The following ATP1A3 variants were observed in gnomAD, a reference collection of about 807,000 sequenced individuals.
The protein encoded by ATP1A3 is ATPase Na+/K+ transporting subunit alpha 3.
ATP1A3 carries 12 observed loss-of-function variants against 108.8 expected under a neutral mutation model. That is an observed-to-expected ratio of 0.11 (90% CI 0.07 to 0.18). ATP1A3 has a LOEUF of 0.18. ATP1A3 is among the 10% of genes least tolerant of loss of function. The pLI is 1.00. For synonymous variants in ATP1A3, 539 were observed against 564.5 expected, an observed-to-expected ratio of 0.95 and a Z score of 0.64; for missense variants, 498 against 1,387.7, an observed-to-expected ratio of 0.36 and a Z score of 10.19.
chr19:41,978,801 G>A lies in ATP1A3; in HGVS notation c.1438-3C>T. 6.2e-7 allele frequency: 1 copy of A among 1,613,644 alleles called. No individual in the cohort carries two copies. The highest frequency in any genetic ancestry group is 8.5e-7 in the Non-Finnish European group (1 of 1,179,788). On this transcript the variant is annotated splice_region_variant and splice_polypyrimidine_tract_variant and intron_variant, in intron 11 of 22. Coordinates refer to ENST00000648268, the MANE Select transcript of ATP1A3 (RefSeq NM_152296.5). The surrounding 1 kb of genome is among the most constrained non-coding windows in gnomAD (Gnocchi z 8.3). The stretch of plus-strand genomic sequence containing the variant: ...TCCTCGGTCTCATGGATGGAGAGCT[G>A]GGGACCGATCAGAGGGTGGCGTGCC...
intron 1 of ATP1A3, among the ~76,000 whole-genome samples, chr19:41,991,232 C>G (rs897578981): frequency 5.9e-5 from 9 of 152,196 alleles, no homozygotes; most frequent in Admixed American, 5.9e-4. Context: ...CTAATCTCCT[C>G]GTGACCTTGT....
intron 11 of ATP1A3, among the ~76,000 whole-genome samples, chr19:41,980,838 G>A (rs1316101443): frequency 1.3e-5 from 2 of 151,924 alleles, no homozygotes; most frequent in African/African-American, 4.8e-5. Context: ...GTGAACCCGG[G>A]AGGTGGAGCT....
chr19:41,985,462 G>A lies in ATP1A3; in HGVS notation c.607-39C>T. 6.4e-7 allele frequency: 1 copy of A among 1,565,188 alleles called. No individual in the cohort carries two copies. Among genetic ancestry groups the A allele is most frequent in the Non-Finnish European group, 8.8e-7 (1 of 1,135,644 alleles). Reference sequence around the variant, plus strand: ...CAGCAGAGAGAGGGTTCAGTCCAGGGCCTGGGACAGGAGGGTATTTGTGTA... The same window carrying A: ...CAGCAGAGAGAGGGTTCAGTCCAGGACCTGGGACAGGAGGGTATTTGTGTA... On this transcript the variant is annotated intron_variant, in intron 6 of 22. Coordinates refer to ENST00000648268, the MANE Select transcript of ATP1A3 (RefSeq NM_152296.5). This position sits in a 1 kb window ranked among gnomAD's most constrained non-coding sequence, Gnocchi z 8.2.
rs782536983 is a variant in ATP1A3 at position 41,984,960 on chromosome 19, G to T, written c.951C>A (p.Ile317=). ...GACCCTCTGGGACATTGGCCACGAT[G>T]ATGCCGATGAGGAAGATGACAGCCT... ...WLEAVIFLIG[I]IVANVPEGLL... is the part of the protein sequence containing the mutation. Residue 317 remains isoleucine, a synonymous_variant, in exon 8 of 23, where the codon ATC becomes ATA. Transcript: ENST00000648268. 2.5e-6 allele frequency: 4 copies of T among 1,614,024 alleles called. No homozygotes were observed. In the East Asian group the frequency reaches 6.7e-5, roughly 27 times the overall value.
intron 8 of ATP1A3, among the ~76,000 whole-genome samples, chr19:41,982,591 A>G (rs1555863940): frequency 6.6e-6 from 1 of 151,612 alleles, no homozygotes; most frequent in Admixed American, 6.6e-5. Flanking sequence ...GTGACACTGC[A>G]CTCCAGCCTG....
At position 41,982,090 on chromosome 19, in the gene ATP1A3, G is replaced by A; in HGVS notation, c.1010C>T (p.Thr337Ile). 1 of 1,614,156 alleles carries A rather than the reference G, an allele frequency of 6.2e-7. No individual in the cohort carries two copies. Among genetic ancestry groups the A allele is most frequent in the South Asian group, 1.1e-5 (1 of 91,088 alleles). The change falls in exon 9 of 23, where the codon ACC becomes ATC. Residue 337 changes from threonine (T) to isoleucine (I), a missense_variant. Thr to Ile is a moderately conservative substitution (Grantham distance 89). This residue lies in a region of ATP1A3 where 127 missense variants were observed against 464.0 expected (regional missense o/e 0.27). Coordinates refer to ENST00000648268, the MANE Select transcript of ATP1A3 (RefSeq NM_152296.5). ...LATVTVCLTL[T>I]AKRMARKNCL... is the part of the protein sequence containing the mutation. ...GTTCTTCCGGGCCATGCGCTTGGCGGTCAGCGTCAGACACACCTGGAGGAC... is the reference window on the plus strand; with the variant it reads ...GTTCTTCCGGGCCATGCGCTTGGCGATCAGCGTCAGACACACCTGGAGGAC...
chr19:41,983,565 T>A (rs754508401), intron 8 of ATP1A3, among the ~76,000 whole-genome samples: 2 of 146,416 alleles, frequency 1.4e-5, no homozygotes, highest in Non-Finnish European at 3.0e-5. Flanking sequence ...AGAGAAAAAA[T>A]TTTTAAAAAT....
intron 1 of ATP1A3, 128 bp downstream of exon 1, chr19:41,993,943 G>A: frequency 6.6e-7 from 1 of 1,519,554 alleles, no homozygotes; most frequent in Middle Eastern, 1.8e-4. Flanking sequence ...GGGTCAGCCG[G>A]CTCCCCGGGT....
rs782140294 is a variant in ATP1A3, at chr19:41,966,904, G to A, written c.*33C>T. On this transcript the variant is annotated 3_prime_UTR_variant, in exon 23 of 23. Coordinates refer to ENST00000648268, the MANE Select transcript of ATP1A3 (RefSeq NM_152296.5). ...AGGGGCGGTCCTGGGCCTGGGGGACGGGGAAGAGATGGGCGATGTGGTGGG... is the reference window on the plus strand; with the variant it reads ...AGGGGCGGTCCTGGGCCTGGGGGACAGGGAAGAGATGGGCGATGTGGTGGG... 5.8e-6 allele frequency: 9 copies of A among 1,551,226 alleles called. No individual in the cohort carries two copies. The highest frequency in any genetic ancestry group is 4.1e-5 in the African/African-American group (3 of 72,972).
At chr19:41,982,202 C>A in intron 8 of ATP1A3, 96 bp from the exon 9 acceptor site, 1 of 1,602,040 alleles carries the variant, frequency 6.2e-7, no homozygotes, top group Non-Finnish European at 8.5e-7. Context: ...GCCCAGCCCC[C>A]AGAGAATCCT....
intron 4 of ATP1A3, chr19:41,986,450 A>ATTT: frequency 2.4e-6 from 1 of 414,254 alleles, no homozygotes; most frequent in Non-Finnish European, 4.5e-6. Flanking sequence ...GGGTCTGTCG[A>ATTT]TTTTTTTTTT....
chr19:41,977,192 T>G (rs1599714313), intron 14 of ATP1A3, among the ~76,000 whole-genome samples: 1 of 151,800 alleles, frequency 6.6e-6, no homozygotes. Context: ...GATGGGAAAG[T>G]TGAAGAAGTC....
intron 16 of ATP1A3, among the ~76,000 whole-genome samples, chr19:41,974,993 C>G (rs1320978675): frequency 6.6e-6 from 1 of 152,212 alleles, no homozygotes; most frequent in African/African-American, 2.4e-5. Context: ...TGACCCCCAG[C>G]CCAGGCTGGC....
chr19:41,978,371 A>G lies in ATP1A3; in HGVS notation c.1631-45T>C. 1.3e-6 allele frequency: 2 copies of G among 1,560,800 alleles called. No individual in the cohort carries two copies. Among genetic ancestry groups the G allele is most frequent in the East Asian group, 4.7e-5 (2 of 42,616 alleles). On this transcript the variant is annotated intron_variant, in intron 12 of 22. Coordinates refer to ENST00000648268, the MANE Select transcript of ATP1A3 (RefSeq NM_152296.5). The surrounding 1 kb of genome is among the most constrained non-coding windows in gnomAD (Gnocchi z 8.3). ...GGGGTGTGAGGGTCCCAGCCTCGGAACCTCCGCCCCATGCCCCTAGATGTC... is the reference window on the plus strand; with the variant it reads ...GGGGTGTGAGGGTCCCAGCCTCGGAGCCTCCGCCCCATGCCCCTAGATGTC...
chr19:41,988,278 T>A lies in ATP1A3; in HGVS notation c.153+40A>T. On this transcript the variant is annotated intron_variant, in intron 3 of 22. Transcript: ENST00000648268. The surrounding 1 kb of genome is among the most constrained non-coding windows in gnomAD (Gnocchi z 5.3). ...AGGGGTCCTAGCCCCCAGCTCCTCC[T>A]CCCTAGTTCCCAGGGTCCCAGCCCA... 2 of 1,613,752 alleles carry A rather than the reference T, an allele frequency of 1.2e-6. No homozygotes were observed. The highest frequency in any genetic ancestry group is 2.2e-5 in the South Asian group (2 of 91,068).
Position 41,988,203 on chromosome 19 carries a change from A to T in ATP1A3, c.154-64T>A, listed in dbSNP as rs2075304189. ...AACCCTGGCACCCCAGGCCTTCACC[A>T]GACCCCCAGAACTTAAGACACCAGC... On this transcript the variant is annotated intron_variant, in intron 3 of 22. Coordinates refer to ENST00000648268, the MANE Select transcript of ATP1A3 (RefSeq NM_152296.5). The surrounding 1 kb of genome is among the most constrained non-coding windows in gnomAD (Gnocchi z 5.3). 4 of 1,612,408 alleles carry T rather than the reference A, an allele frequency of 2.5e-6. No individual in the cohort carries two copies. The highest frequency in any genetic ancestry group is 2.7e-5 in the African/African-American group (2 of 74,858).
At chr19:41,979,263 A>G (rs2075205245) in intron 11 of ATP1A3, among the ~76,000 whole-genome samples, 1 of 151,368 alleles carries the variant, frequency 6.6e-6, no homozygotes, top group Admixed American at 6.6e-5. Flanking sequence ...TCGGCCTCTC[A>G]AAGTGCTGGG....
intron 14 of ATP1A3, 83 bp downstream of exon 14, chr19:41,977,853 A>G (rs1296446242): frequency 6.4e-7 from 1 of 1,567,170 alleles, no homozygotes; most frequent in African/African-American, 1.3e-5. Flanking sequence ...CAGGCAGTGC[A>G]GAGGGAGGTT....
In ATP1A3 at chr19:41,970,676, G is replaced by A. The variant is rs535352471; in HGVS notation, c.2264-134C>T. 2,051 of 1,099,154 alleles carry A rather than the reference G, an allele frequency of 1.9e-3. 7 individuals are homozygous for A. Among genetic ancestry groups the A allele is most frequent in the Middle Eastern group, 0.013 (42 of 3,182 alleles). The allele number at this position is 1,099,154 out of a possible 1,614,324, so 68.1% of individuals were successfully genotyped here. On this transcript the variant is annotated intron_variant, in intron 16 of 22. Transcript: ENST00000648268. ...AGACAGAGTCTCGCTGTGTTGCCCA[G>A]GCTGGAGTGCAGTGGTGCGATCTCG...
Sources: gnomAD v4.1 joint callset for allele counts (sites outside exome capture counted in the v4.1 genomes callset) on GRCh38, gnomAD v4.1.1 for gene constraint, gnomAD v4.1.1 regional missense constraint, Gnocchi (gnomAD v3.1) non-coding constraint, MANE v1.5 for transcripts, NCBI Gene and HGNC (gene_info 2026-07-23, HGNC 2026-07-21) for gene names.